The following KCNQ1 variants were observed in gnomAD, a reference collection of about 807,000 sequenced individuals.
The protein encoded by KCNQ1 is potassium voltage-gated channel subfamily KQT member 1.
Under a neutral mutation model 72.4 loss-of-function variants are expected in KCNQ1, and 49 were observed. That is an observed-to-expected ratio of 0.68 (90% CI 0.54 to 0.86). KCNQ1 has a LOEUF of 0.86. Among genes scored for constraint, KCNQ1 ranks in the 40% least tolerant of loss-of-function variants. The pLI is 0.00. For synonymous variants in KCNQ1, 450 were observed against 412.6 expected, an observed-to-expected ratio of 1.09 and a Z score of -1.10; for missense variants, 790 against 945.1, an observed-to-expected ratio of 0.84 and a Z score of 2.15.
intron 11 of KCNQ1, among the ~76,000 whole-genome samples, chr11:2,717,182 G>A (rs960547460): frequency 5.9e-5 from 9 of 152,186 alleles, no homozygotes; most frequent in Admixed American, 2.0e-4. Context: ...TGGCTGCAGT[G>A]CGACACAGAC....
At chr11:2,835,378 C>G (rs1848038316) in intron 15 of KCNQ1, among the ~76,000 whole-genome samples, 1 of 145,740 alleles carries the variant, frequency 6.9e-6, no homozygotes, top group Admixed American at 7.0e-5. Context: ...CCTGTAGACA[C>G]CTGCATATAA....
At chr11:2,791,261 G>T (rs2134008574) in intron 15 of KCNQ1, among the ~76,000 whole-genome samples, 1 of 152,330 alleles carries the variant, frequency 6.6e-6, no homozygotes, top group Middle Eastern at 3.4e-3. Flanking sequence ...TGGGCACCGT[G>T]TGCGGATCTA....
At chr11:2,643,332 G>A (rs1564843015) in intron 10 of KCNQ1, 2 of 398,354 alleles carry the variant, frequency 5.0e-6, no homozygotes, top group East Asian at 7.1e-5. Context: ...ATATATCTGG[G>A]TGCTTTGGTG....
rs2133887756 is a variant in KCNQ1, at chr11:2,687,389, T to C, written c.1514+25308T>C. On this transcript the variant is annotated intron_variant, in intron 11 of 15. Transcript: ENST00000155840. The surrounding 1 kb of genome is among the most constrained non-coding windows in gnomAD (Gnocchi z 5.0). ...GCTGTCACTCAGGGCTGAGCTCTGC[T>C]GAAGGATCTGGGAGGTCAGTAGGCA... 2.5e-6 allele frequency: 1 copy of C among 398,664 alleles called. No individual in the cohort carries two copies. Among genetic ancestry groups the C allele is most frequent in the African/African-American group, 2.1e-5 (1 of 48,754 alleles). The allele number at this position is 398,664 out of a possible 1,614,324, so 24.7% of individuals were successfully genotyped here. A position where few individuals can be genotyped will look rare whatever the true frequency, so the allele number is the denominator to read the frequency against.
intron 11 of KCNQ1, chr11:2,681,515 G>T: frequency 7.5e-6 from 3 of 398,468 alleles, no homozygotes; most frequent in Non-Finnish European, 4.4e-6. Context: ...ACTGGTCCAG[G>T]TTAAGCCAGC....
rs935428234 is a variant in KCNQ1, at chr11:2,574,676, C to G, written c.921+1690C>G. On this transcript the variant is annotated intron_variant, in intron 6 of 15. Transcript: ENST00000155840. ...GCGATTGCTGTGCCTCCTCCCTCCCCCTCAACCGCCGCTTCCCCCATGAGG... is the reference window on the plus strand; with the variant it reads ...GCGATTGCTGTGCCTCCTCCCTCCCGCTCAACCGCCGCTTCCCCCATGAGG... Among the ~76,000 whole-genome samples the G allele has an allele frequency of 3.9e-5, 6 of 152,346 alleles. No individual in the cohort carries two copies. The East Asian group carries it at 7.7e-4, about 20-fold the overall frequency.
intron 1 of KCNQ1, among the ~76,000 whole-genome samples, chr11:2,449,427 AC>A (rs1271454116): frequency 1.3e-5 from 2 of 152,144 alleles, no homozygotes; most frequent in Admixed American, 1.3e-4. Flanking sequence ...ACTCCTGGGT[AC>A]CGATGGGATG....
Position 2,544,320 on chromosome 11 carries a change from C to T in KCNQ1, c.477+16302C>T, listed in dbSNP as rs12800366. Among the ~76,000 whole-genome samples, 4 of 125,880 alleles carry T rather than the reference C, an allele frequency of 3.2e-5. No homozygotes were observed. Among genetic ancestry groups the T allele is most frequent in the Admixed American group, 7.7e-5 (1 of 13,046 alleles). The allele number at this position is 125,880 out of a possible 152,430, so 82.6% of individuals were successfully genotyped here. A position where few individuals can be genotyped will look rare whatever the true frequency, so the allele number is the denominator to read the frequency against. On this transcript the variant is annotated intron_variant, in intron 2 of 15. Coordinates refer to ENST00000155840, the MANE Select transcript of KCNQ1 (RefSeq NM_000218.3). This position sits in a 1 kb window ranked among gnomAD's most constrained non-coding sequence, Gnocchi z 4.4. Reference sequence around the variant, plus strand: ...TATATATGTGTATATATGTATATATCTATGTATATATATGTGTATGTATAT... The same window carrying T: ...TATATATGTGTATATATGTATATATTTATGTATATATATGTGTATGTATAT...
At chr11:2,719,803 C>T (rs941433084) in intron 11 of KCNQ1, among the ~76,000 whole-genome samples, 4 of 152,192 alleles carry the variant, frequency 2.6e-5, no homozygotes, top group East Asian at 3.8e-4. Context: ...AGCCAAACAC[C>T]GTGCTGGTTT....
chr11:2,729,888 C>T (rs563927569), intron 11 of KCNQ1, among the ~76,000 whole-genome samples: 56 of 152,116 alleles, frequency 3.7e-4, no homozygotes, highest in Non-Finnish European at 7.1e-4. Flanking sequence ...TGGATGGGGT[C>T]GTGGAGGACC....
At chr11:2,449,370 T>C (rs192858363) in intron 1 of KCNQ1, among the ~76,000 whole-genome samples, 4 of 152,292 alleles carry the variant, frequency 2.6e-5, no homozygotes, top group Non-Finnish European at 4.4e-5. Context: ...ACGTGCGGGC[T>C]GCGTTGTGTC....
rs1050492117 is a variant in KCNQ1, at chr11:2,687,574, T to C, written c.1514+25493T>C. 3.8e-5 allele frequency: 15 copies of C among 398,560 alleles called. No homozygotes were observed. The highest frequency in any genetic ancestry group is 3.1e-4 in the African/African-American group (15 of 48,614). 24.7% of individuals were successfully genotyped at this position (398,560 alleles called of 1,614,324 possible). A position where few individuals can be genotyped will look rare whatever the true frequency, so the allele number is the denominator to read the frequency against. On this transcript the variant is annotated intron_variant, in intron 11 of 15. Coordinates refer to ENST00000155840, the MANE Select transcript of KCNQ1 (RefSeq NM_000218.3). This position sits in a 1 kb window ranked among gnomAD's most constrained non-coding sequence, Gnocchi z 5.0. ...CACAGCCCACTCTGATGACCCCCTGTCAAGGAGGTGTGACTGAGAAAGGAA... is the reference window on the plus strand; with the variant it reads ...CACAGCCCACTCTGATGACCCCCTGCCAAGGAGGTGTGACTGAGAAAGGAA...
rs146778725 is a variant in KCNQ1 at position 2,499,849 on chromosome 11, C to T, written c.387-28079C>T. ...GATATTTACAGGACATTTCATCCAGCAATTCCAAGAGAAGAATACACATTC... is the reference window on the plus strand; with the variant it reads ...GATATTTACAGGACATTTCATCCAGTAATTCCAAGAGAAGAATACACATTC... On this transcript the variant is annotated intron_variant, in intron 1 of 15. Coordinates refer to ENST00000155840, the MANE Select transcript of KCNQ1 (RefSeq NM_000218.3). 6.3e-3 allele frequency among the ~76,000 whole-genome samples: 959 copies of T among 152,290 alleles called. 7 individuals are homozygous for T. Among genetic ancestry groups the T allele is most frequent in the Non-Finnish European group, 9.8e-3 (668 of 68,024 alleles).
chr11:2,643,843 G>A (rs1425455521), intron 10 of KCNQ1: 2 of 398,346 alleles, frequency 5.0e-6, no homozygotes, highest in Non-Finnish European at 8.8e-6. Context: ...CTTCATTTCT[G>A]ACGAATATAA....
intron 10 of KCNQ1, chr11:2,630,995 C>T (rs191141051): frequency 2.5e-6 from 1 of 398,364 alleles, no homozygotes; most frequent in Non-Finnish European, 4.4e-6. Context: ...ATTTATCTTG[C>T]CGCTTTCAAA....
chr11:2,568,026 TGGGAGGCCGAA>T (rs1352002523), intron 2 of KCNQ1, among the ~76,000 whole-genome samples: 9 of 152,218 alleles, frequency 5.9e-5, no homozygotes, highest in Middle Eastern at 3.4e-3. Flanking sequence ...CCCAGCACTT[TGGGAGGCCGAA>T]GCAGGCAGAT....
At chr11:2,460,987 GGTTTCCGGGGGT>G (rs1227189065) in intron 1 of KCNQ1, among the ~76,000 whole-genome samples, 1 of 152,206 alleles carries the variant, frequency 6.6e-6, no homozygotes, top group Non-Finnish European at 1.5e-5. Flanking sequence ...GCAGGACCTG[GGTTTCCGGGGGT>G]GTCCGGGAGT....
intron 11 of KCNQ1, among the ~76,000 whole-genome samples, chr11:2,755,582 G>A (rs1846286782): frequency 6.6e-6 from 1 of 152,176 alleles, no homozygotes; most frequent in African/African-American, 2.4e-5. Flanking sequence ...TTAAAGACTT[G>A]TGGTTAATTG....
At position 2,787,857 on chromosome 11, in the gene KCNQ1, A is replaced by C. The variant is rs1393748129; in HGVS notation, c.1794+9820A>C. 6.7e-6 allele frequency among the ~76,000 whole-genome samples: 1 copy of C among 148,948 alleles called. No homozygotes were observed. Among genetic ancestry groups the C allele is most frequent in the Non-Finnish European group, 1.5e-5 (1 of 67,590 alleles). The stretch of plus-strand genomic sequence containing the variant: ...GGGTTTTCTAATAACCGAATGAAGG[A>C]TCTATCTTTAAATTTTAATTTTAAT... On this transcript the variant is annotated intron_variant, in intron 15 of 15. Transcript: ENST00000155840. The surrounding 1 kb of genome is among the most constrained non-coding windows in gnomAD (Gnocchi z 6.3).
Sources: allele counts gnomAD v4.1 joint callset (sites outside exome capture counted in the v4.1 genomes callset), GRCh38; gene constraint gnomAD v4.1.1; non-coding constraint Gnocchi (gnomAD v3.1); transcripts MANE v1.5; gene names NCBI Gene and HGNC (gene_info 2026-07-23, HGNC 2026-07-21).